The following TTLL7 variants were observed in gnomAD, a reference collection of about 807,000 sequenced individuals.
TTLL7 encodes the protein tubulin tyrosine ligase like 7.
In TTLL7, 53 loss-of-function variants were observed where a neutral mutation model predicts 120.2. The observed-to-expected ratio is 0.44, with a 90% CI of 0.35 to 0.55. The LOEUF is 0.55. Ranked by LOEUF, TTLL7 falls within the 20% of genes least tolerant of loss-of-function variation. The pLI is 0.00. For synonymous variants in TTLL7, 353 were observed against 351.7 expected, an observed-to-expected ratio of 1.00 and a Z score of -0.04; for missense variants, 803 against 1,054.7, an observed-to-expected ratio of 0.76 and a Z score of 3.31.
At chr1:83,958,505 T>C (rs1649727088) in intron 1 of TTLL7, among the ~76,000 whole-genome samples, 1 of 152,206 alleles carries the variant, frequency 6.6e-6, no homozygotes, top group African/African-American at 2.4e-5. Flanking sequence ...AATCTATTAC[T>C]TCCTAAAAAT....
At chr1:83,892,557 AACAT>A (rs1442909868) in intron 18 of TTLL7, among the ~76,000 whole-genome samples, 5 of 72,142 alleles carry the variant, frequency 6.9e-5, no homozygotes, top group South Asian at 3.7e-4. Context: ...CATATATATG[AACAT>A]ATGAACATAT....
chr1:83,906,792 G>C (rs1216127422), intron 16 of TTLL7, among the ~76,000 whole-genome samples: 1 of 151,862 alleles, frequency 6.6e-6, no homozygotes, highest in South Asian at 2.1e-4. Flanking sequence ...AAAATTCATT[G>C]TTACCAAGTG....
chr1:83,997,975 T>C (rs1434677037), intron 1 of TTLL7, among the ~76,000 whole-genome samples: 1 of 152,264 alleles, frequency 6.6e-6, no homozygotes, highest in Non-Finnish European at 1.5e-5. Context: ...CTTTCTTTCA[T>C]ATTGAAGGAG....
chr1:83,927,196 G>A (rs898872758), intron 10 of TTLL7, among the ~76,000 whole-genome samples: 5 of 152,100 alleles, frequency 3.3e-5, no homozygotes, highest in African/African-American at 1.2e-4. Flanking sequence ...AGGTCATACT[G>A]TAAGCAAAGC....
intron 17 of TTLL7, among the ~76,000 whole-genome samples, chr1:83,905,231 G>A (rs1191554757): frequency 1.3e-5 from 2 of 151,554 alleles, no homozygotes; most frequent in African/African-American, 4.8e-5. Context: ...TAACTAAGTA[G>A]CACCTAGCTT....
intron 10 of TTLL7, among the ~76,000 whole-genome samples, chr1:83,925,080 C>T (rs1369126125): frequency 1.3e-5 from 2 of 152,124 alleles, no homozygotes; most frequent in Admixed American, 6.5e-5. Flanking sequence ...AGGGTTCTGT[C>T]GCTGCCCTTC....
At chr1:83,965,323 G>A (rs879432085) in intron 1 of TTLL7, among the ~76,000 whole-genome samples, 1 of 152,030 alleles carries the variant, frequency 6.6e-6, no homozygotes. Context: ...GATAGTGAGT[G>A]AGTTCTCACG....
chr1:83,880,112 T>C, intron 20 of TTLL7: 1 of 152,014 alleles, frequency 6.6e-6, no homozygotes, highest in South Asian at 2.1e-4. Flanking sequence ...TATGGTATGA[T>C]GTCCAAAAAA....
chr1:83,905,423 C>A lies in TTLL7; in HGVS notation c.2127+906G>T, dbSNP rs150667078. ...GCTTTTTGTTTCTACACACTTACTT[C>A]AGACAGGTCTAAAGTATATGCTAAA... On this transcript the variant is annotated intron_variant, in intron 17 of 20. Coordinates refer to ENST00000260505, the MANE Select transcript of TTLL7 (RefSeq NM_024686.6). Among the ~76,000 whole-genome samples the A allele has an allele frequency of 5.3e-3, 805 of 151,702 alleles. 6 individuals are homozygous for A. The highest frequency in any genetic ancestry group is 0.01 in the Middle Eastern group (3 of 294).
chr1:83,979,496 A>G (rs536369653), intron 1 of TTLL7: 1 of 152,344 alleles, frequency 6.6e-6, no homozygotes, highest in Admixed American at 6.5e-5. Flanking sequence ...ATCCGGATCA[A>G]TGGCTGGTTG....
intron 1 of TTLL7, among the ~76,000 whole-genome samples, chr1:83,975,445 T>A (rs1417900382): frequency 6.6e-6 from 1 of 152,072 alleles, no homozygotes. Flanking sequence ...CTCAAAGGGG[T>A]TTAGGAACTT....
chr1:83,878,751 A>C (rs1470786583), intron 20 of TTLL7, among the ~76,000 whole-genome samples: 2 of 152,006 alleles, frequency 1.3e-5, no homozygotes, highest in Non-Finnish European at 2.9e-5. Flanking sequence ...AAATGAGCTT[A>C]TATGAAAGCT....
rs569558350 is a variant in TTLL7, at chr1:83,871,554, C to T, written c.2544-1472G>A. 5.9e-5 allele frequency among the ~76,000 whole-genome samples: 9 copies of T among 152,230 alleles called. No homozygotes were observed. In the South Asian group the frequency reaches 1.9e-3, roughly 32 times the overall value. On this transcript the variant is annotated intron_variant, in intron 20 of 20. Coordinates refer to ENST00000260505, the MANE Select transcript of TTLL7 (RefSeq NM_024686.6). ...TTCGTAATTAGTCTTGGGAAATAAA[C>T]AGTGGGACGGTATCAAATCGTTTAT...
intron 9 of TTLL7, among the ~76,000 whole-genome samples, chr1:83,931,898 C>A (rs910161297): frequency 6.6e-6 from 1 of 152,074 alleles, no homozygotes; most frequent in African/African-American, 2.4e-5. Context: ...ATTAGCCCCA[C>A]CAAAATATCA....
At chr1:83,989,705 G>A (rs1386869320) in intron 1 of TTLL7, among the ~76,000 whole-genome samples, 2 of 152,090 alleles carry the variant, frequency 1.3e-5, no homozygotes, top group East Asian at 3.8e-4. Flanking sequence ...TTTTAGTTCT[G>A]TGAAAAATGA....
chr1:83,941,012 G>A (rs918562244), intron 7 of TTLL7, among the ~76,000 whole-genome samples: 4 of 152,038 alleles, frequency 2.6e-5, no homozygotes, highest in African/African-American at 9.7e-5. Context: ...CTATACTTTA[G>A]CCAAACTGAC....
Position 83,947,200 on chromosome 1 carries a change from A to G in TTLL7, c.430T>C (p.Tyr144His), listed in dbSNP as rs1228366669. 1.2e-6 allele frequency: 2 copies of G among 1,613,044 alleles called. No individual in the cohort carries two copies. Among genetic ancestry groups the G allele is most frequent in the African/African-American group, 2.7e-5 (2 of 74,822 alleles). ...FPAEYTQFQN[Y>H]VKELKKKRKQ... The stretch of plus-strand genomic sequence containing the variant: ...CGTTTTTTCTTCAATTCTTTCACAT[A>G]ATTTTGGAATTGAGTATATTCAGCA... The change falls in exon 6 of 21, where the codon TAT (tyrosine) becomes CAT (histidine). Residue 144 changes from tyrosine to histidine, a missense_variant. Physicochemically the swap from Tyr to His is moderately conservative, Grantham distance 83. Around this residue, in one of 3 missense-constraint regions of TTLL7, gnomAD observed 324 missense variants for 507.7 expected, o/e 0.64. Coordinates refer to ENST00000260505, the MANE Select transcript of TTLL7 (RefSeq NM_024686.6).
At position 83,892,561 on chromosome 1, in the gene TTLL7, T is replaced by TATATATGAACATATGAATGAACATATAA. The variant is rs1553129087; in HGVS notation, c.2209-2081_2209-2080insTTATATGTTCATTCATATGTTCATATAT. ...ATATGAATGAACATATATATGAACATATGAACATATATATGAACATATAAA... is the reference window on the plus strand; with the variant it reads ...ATATGAATGAACATATATATGAACATATATATGAACATATGAATGAACATATAAATGAACATATATATGAACATATAAA... On this transcript the variant is annotated intron_variant, in intron 18 of 20. Coordinates refer to ENST00000260505, the MANE Select transcript of TTLL7 (RefSeq NM_024686.6). Among the ~76,000 whole-genome samples, 83 of 107,156 alleles carry TATATATGAACATATGAATGAACATATAA rather than the reference T, an allele frequency of 7.7e-4. 1 individual carries two copies. Among genetic ancestry groups the TATATATGAACATATGAATGAACATATAA allele is most frequent in the Non-Finnish European group, 1.2e-3 (57 of 46,898 alleles). 70.3% of individuals were successfully genotyped at this position (107,156 alleles called of 152,430 possible). A position where few individuals can be genotyped will look rare whatever the true frequency, so the allele number is the denominator to read the frequency against.
At chr1:83,875,518 T>A (rs1157750627) in intron 20 of TTLL7, among the ~76,000 whole-genome samples, 1 of 151,942 alleles carries the variant, frequency 6.6e-6, no homozygotes, top group Non-Finnish European at 1.5e-5. Flanking sequence ...CTTATGCACA[T>A]GTGCACACAT....
Sources: gnomAD v4.1 joint callset for allele counts (sites outside exome capture counted in the v4.1 genomes callset) on GRCh38, gnomAD v4.1.1 for gene constraint, gnomAD v4.1.1 regional missense constraint, MANE v1.5 for transcripts, NCBI Gene and HGNC (gene_info 2026-07-23, HGNC 2026-07-21) for gene names.